The following LINGO2 variants were observed in gnomAD, a reference collection of about 807,000 sequenced individuals.
LINGO2 encodes the protein leucine-rich repeat and immunoglobulin-like domain-containing nogo receptor-interacting protein 2.
Under a neutral mutation model 30.6 loss-of-function variants are expected in LINGO2, and 14 were observed. That is an observed-to-expected ratio of 0.46 (90% confidence interval 0.30 to 0.72). The LOEUF (loss-of-function observed/expected upper bound fraction) is 0.72, where lower values mean the gene tolerates loss of function less well. Ranked by LOEUF, LINGO2 falls within the 30% of genes least tolerant of loss-of-function variation. The pLI, the probability that LINGO2 is intolerant of heterozygous loss-of-function variation, is 0.07. For missense variants in LINGO2, 729 were observed against 751.7 expected, an observed-to-expected ratio of 0.97 and a Z score of 0.35; for synonymous variants, 317 against 288.5, an observed-to-expected ratio of 1.10 and a Z score of -1.00.
chr9:28,782,176 C>T, the LINGO2 span, among the ~76,000 whole-genome samples: 18 of 152,098 alleles, frequency 1.2e-4, no homozygotes, highest in South Asian at 6.2e-4. Context: ...GCATTAATGA[C>T]GAAATATTTT....
intron 4 of LINGO2, among the ~76,000 whole-genome samples, chr9:28,016,717 A>C (rs1177478789): frequency 6.6e-6 from 1 of 151,852 alleles, no homozygotes; most frequent in Non-Finnish European, 1.5e-5. Flanking sequence ...CAACCCACAA[A>C]AAGCCCAGGA....
At chr9:28,019,926 C>T (rs1423507406) in intron 4 of LINGO2, among the ~76,000 whole-genome samples, 1 of 152,000 alleles carries the variant, frequency 6.6e-6, no homozygotes, top group Non-Finnish European at 1.5e-5. Flanking sequence ...CCAAACTTAG[C>T]CAATCTTCAG....
the LINGO2 span, among the ~76,000 whole-genome samples, chr9:29,045,971 T>C: frequency 5.9e-5 from 9 of 152,206 alleles, no homozygotes; most frequent in African/African-American, 2.2e-4. Flanking sequence ...AGGAAAGCTA[T>C]TGTATATTAA....
the LINGO2 span, among the ~76,000 whole-genome samples, chr9:28,719,158 G>C: frequency 6.6e-6 from 1 of 151,840 alleles, no homozygotes; most frequent in Admixed American, 6.6e-5. Flanking sequence ...TAGAGTCTCC[G>C]AGCATTTCAA....
chr9:28,469,392 T>C (rs113791801), intron 2 of LINGO2, among the ~76,000 whole-genome samples: 2,256 of 152,130 alleles, frequency 0.015, 53 homozygotes, highest in African/African-American at 0.051. Context: ...GATAAAGTGA[T>C]ACAGAGATTA....
At chr9:28,916,310 T>C in the LINGO2 span, among the ~76,000 whole-genome samples, 32 of 152,160 alleles carry the variant, frequency 2.1e-4, no homozygotes, top group African/African-American at 7.7e-4. Flanking sequence ...CTACATTCTG[T>C]AGAGAATTCT....
rs1247782058 is a variant in LINGO2 at position 28,543,047 on chromosome 9, G to A, written c.-364-67022C>T. ...TGGTAAAACATGTCCTTTGCCAAATGCACTAGACGATCTGGGAGCAGGCAT... is the reference window on the plus strand; with the variant it reads ...TGGTAAAACATGTCCTTTGCCAAATACACTAGACGATCTGGGAGCAGGCAT... On this transcript the variant is annotated intron_variant, in intron 1 of 5. Coordinates refer to ENST00000379992, the Ensembl canonical transcript of LINGO2. Among the ~76,000 whole-genome samples, 6 of 152,210 alleles carry A rather than the reference G, an allele frequency of 3.9e-5. No individual in the cohort carries two copies. The East Asian group carries it at 1.2e-3, about 29-fold the overall frequency.
chr9:28,649,529 C>A (rs574678419), intron 1 of LINGO2, among the ~76,000 whole-genome samples: 54 of 152,180 alleles, frequency 3.5e-4, no homozygotes, highest in South Asian at 1.4e-3. Flanking sequence ...TAAATAAATA[C>A]ATACATACAT....
intron 4 of LINGO2, among the ~76,000 whole-genome samples, chr9:28,141,986 A>C (rs886679196): frequency 6.6e-6 from 1 of 152,200 alleles, no homozygotes; most frequent in African/African-American, 2.4e-5. Flanking sequence ...GGAAAAATGC[A>C]TCAATTTTCT....
At chr9:28,233,125 T>G (rs1821433082) in intron 4 of LINGO2, among the ~76,000 whole-genome samples, 1 of 146,998 alleles carries the variant, frequency 6.8e-6, no homozygotes, top group Non-Finnish European at 1.5e-5. Context: ...TCTATGTGTG[T>G]GTGTATGTGT....
chr9:29,085,535 C>A, the LINGO2 span, among the ~76,000 whole-genome samples: 1 of 151,842 alleles, frequency 6.6e-6, no homozygotes, highest in Non-Finnish European at 1.5e-5. Flanking sequence ...AGTACTATAT[C>A]TAAATTTGAG....
chr9:28,732,078 C>A, the LINGO2 span, among the ~76,000 whole-genome samples: 1 of 152,044 alleles, frequency 6.6e-6, no homozygotes, highest in Non-Finnish European at 1.5e-5. Flanking sequence ...AGGATTTACC[C>A]TTGATAAGGA....
intron 5 of LINGO2, among the ~76,000 whole-genome samples, chr9:27,992,604 A>G (rs971292225): frequency 6.6e-6 from 1 of 152,138 alleles, no homozygotes; most frequent in Admixed American, 6.6e-5. Flanking sequence ...ATGCAAAACT[A>G]ATTTAATAAT....
the LINGO2 span, among the ~76,000 whole-genome samples, chr9:29,090,123 T>A: frequency 0.031 from 4,711 of 152,168 alleles, 97 homozygotes; most frequent in Middle Eastern, 0.051. Context: ...GTTTATTGAA[T>A]GTATATTGTG....
chr9:28,787,598 G>C, the LINGO2 span, among the ~76,000 whole-genome samples: 1 of 151,972 alleles, frequency 6.6e-6, no homozygotes, highest in African/African-American at 2.4e-5. Context: ...TATGAGAAGG[G>C]AAAAAAGTGT....
At chr9:28,224,591 CA>C (rs1203944058) in intron 4 of LINGO2, among the ~76,000 whole-genome samples, 2 of 152,136 alleles carry the variant, frequency 1.3e-5, no homozygotes, top group African/African-American at 4.8e-5. Flanking sequence ...ACTGAGCTAT[CA>C]AACACTATGT....
intron 3 of LINGO2, among the ~76,000 whole-genome samples, chr9:28,302,474 T>G (rs1824184953): frequency 6.6e-6 from 1 of 152,036 alleles, no homozygotes; most frequent in African/African-American, 2.4e-5. Flanking sequence ...AGCTCAGGAG[T>G]TCGAGATCAG....
chr9:28,410,037 A>T (rs10968570), intron 2 of LINGO2, among the ~76,000 whole-genome samples: 79,182 of 116,002 alleles, frequency 0.68, 27,225 homozygotes, highest in South Asian at 0.74. Context: ...ACAGAAGAAG[A>T]GAGGGATGGA....
At chr9:28,575,123 G>T (rs1021129634) in intron 1 of LINGO2, among the ~76,000 whole-genome samples, 129 of 152,156 alleles carry the variant, frequency 8.5e-4, no homozygotes, top group African/African-American at 2.9e-3. Flanking sequence ...CAAACACCAG[G>T]CCAGGCGTGG....
Sources: allele counts gnomAD v4.1 joint callset (sites outside exome capture counted in the v4.1 genomes callset), GRCh38; gene constraint gnomAD v4.1.1; transcripts MANE v1.5; gene names NCBI Gene and HGNC (gene_info 2026-07-23, HGNC 2026-07-21).